COA1: variants seen among roughly 807,000 people sequenced by gnomAD.
COA1 encodes the protein cytochrome c oxidase assembly factor 1.
Under a neutral mutation model 16.0 loss-of-function variants are expected in COA1, and 13 were observed. That is an observed-to-expected ratio of 0.81 (90% CI 0.53 to 1.29). COA1 has a LOEUF of 1.29. Ranked by LOEUF, COA1 falls within the 50% of genes most tolerant of loss-of-function variation. The pLI, the probability that COA1 is intolerant of heterozygous loss-of-function variation, is 0.00. For synonymous variants in COA1, 65 were observed against 65.7 expected (o/e 0.99, Z 0.05); for missense variants, 179 against 177.0 (o/e 1.01, Z -0.06).
rs1210512835 is a variant in COA1 at position 43,710,396 on chromosome 7, T to TA, written c.-39+19032_-39+19033insT. Among the ~76,000 whole-genome samples the TA allele has an allele frequency of 1.5e-3, 144 of 97,422 alleles. 3 individuals carry two copies. Among genetic ancestry groups the TA allele is most frequent in the Non-Finnish European group, 2.6e-3 (117 of 44,830 alleles). The allele number at this position is 97,422 out of a possible 152,430, so 63.9% of individuals were successfully genotyped here. A position where few individuals can be genotyped will look rare whatever the true frequency, so the allele number is the denominator to read the frequency against. The stretch of plus-strand genomic sequence containing the variant: ...AAAAAATATATATATATATATATAT[T>TA]TTTAAGATATGTCCTAAACAGTTGA... On this transcript the variant is annotated intron_variant, in intron 1 of 5. Coordinates refer to ENST00000223336, the MANE Select transcript of COA1 (RefSeq NM_018224.4).
intron 6 of COA1, chr7:43,626,807 A>G (rs981506721): frequency 6.6e-6 from 1 of 152,170 alleles, no homozygotes; most frequent in African/African-American, 2.4e-5. Flanking sequence ...TGTGAGAAAG[A>G]TCTGTTTTCT....
At chr7:43,644,070 T>TCC (rs2087989097) in intron 4 of COA1, among the ~76,000 whole-genome samples, 1 of 152,026 alleles carries the variant, frequency 6.6e-6, no homozygotes, top group African/African-American at 2.4e-5. Context: ...CACCTGTGCC[T>TCC]CCACTGCCGT....
intron 1 of COA1, among the ~76,000 whole-genome samples, chr7:43,710,912 C>T (rs2131740423): frequency 6.6e-6 from 1 of 152,202 alleles, no homozygotes; most frequent in South Asian, 2.1e-4. Context: ...AAGCAGCTGC[C>T]AGGGTTTCAT....
intron 6 of COA1, among the ~76,000 whole-genome samples, chr7:43,617,497 A>G (rs1275135472): frequency 6.6e-6 from 1 of 152,018 alleles, no homozygotes; most frequent in Non-Finnish European, 1.5e-5. Context: ...CGGGGAGGAA[A>G]GGAATGGCCA....
chr7:43,691,438 AAAGAAAG>A (rs1305146678), intron 1 of COA1, among the ~76,000 whole-genome samples: 3 of 113,628 alleles, frequency 2.6e-5, no homozygotes, highest in African/African-American at 1.2e-4. Context: ...AGAAAGAAAG[AAAGAAAG>A]AAAGAAAGAA....
chr7:43,685,184 A>C (rs1158711080), intron 1 of COA1, among the ~76,000 whole-genome samples: 1 of 151,958 alleles, frequency 6.6e-6, no homozygotes, highest in Non-Finnish European at 1.5e-5. Flanking sequence ...GAAAAGAATA[A>C]ATAAAATGTG....
intron 5 of COA1, 120 bp from the exon 6 acceptor site, chr7:43,639,801 T>C: frequency 1.4e-6 from 1 of 692,174 alleles, no homozygotes; most frequent in South Asian, 1.8e-5. Context: ...TTTTAAACAT[T>C]ATTTTGTGCG....
At chr7:43,649,458 T>TG (rs1188264980) in intron 1 of COA1, 1 of 152,298 alleles carries the variant, frequency 6.6e-6, no homozygotes, top group Non-Finnish European at 1.5e-5. Flanking sequence ...TAAAAGTCCT[T>TG]GGCAGGCATG....
intron 1 of COA1, among the ~76,000 whole-genome samples, chr7:43,668,858 C>T (rs1242569534): frequency 6.6e-6 from 1 of 152,210 alleles, no homozygotes; most frequent in Admixed American, 6.5e-5. Context: ...CTATACCACA[C>T]TTGTGGGAAC....
intron 6 of COA1, chr7:43,624,371 G>C: frequency 2.6e-6 from 2 of 769,678 alleles, no homozygotes; most frequent in Non-Finnish European, 3.9e-6. Context: ...CAAATTCCAA[G>C]ACTAATAGTT....
chr7:43,683,942 T>C (rs1021483498), intron 1 of COA1, among the ~76,000 whole-genome samples: 1 of 152,150 alleles, frequency 6.6e-6, no homozygotes, highest in African/African-American at 2.4e-5. Flanking sequence ...GGAACAATGT[T>C]TGAGGTCACA....
intron 1 of COA1, among the ~76,000 whole-genome samples, chr7:43,712,599 T>C (rs2095285784): frequency 6.6e-6 from 1 of 152,198 alleles, no homozygotes; most frequent in African/African-American, 2.4e-5. Flanking sequence ...GTGGGTATAT[T>C]TATTAGACTG....
chr7:43,686,717 T>A (rs1385235305), intron 1 of COA1, among the ~76,000 whole-genome samples: 3 of 152,270 alleles, frequency 2.0e-5, no homozygotes, highest in African/African-American at 7.2e-5. Context: ...CATTGACTAT[T>A]CATGAATTAA....
intron 1 of COA1, among the ~76,000 whole-genome samples, chr7:43,691,336 A>G (rs2094311432): frequency 1.3e-4 from 5 of 37,428 alleles, no homozygotes; most frequent in South Asian, 1.3e-3. Flanking sequence ...AAAGAGAAAG[A>G]GAGAGAGGGA....
chr7:43,648,533 T>C (rs1456118917), intron 2 of COA1, 67 bp downstream of exon 2: 2 of 1,541,646 alleles, frequency 1.3e-6, no homozygotes, highest in Middle Eastern at 1.7e-4. Context: ...GACTTTCTTC[T>C]ATTGTCTAAC....
At chr7:43,712,064 C>G (rs11978914) in intron 1 of COA1, among the ~76,000 whole-genome samples, 3 of 152,038 alleles carry the variant, frequency 2.0e-5, no homozygotes, top group African/African-American at 7.2e-5. Flanking sequence ...TTTAATCATT[C>G]CCTTGCTTTT....
intron 6 of COA1, among the ~76,000 whole-genome samples, chr7:43,611,206 A>G (rs1044425916): frequency 1.3e-5 from 2 of 152,244 alleles, no homozygotes; most frequent in African/African-American, 4.8e-5. Context: ...TTAGGTGGAA[A>G]GGTAGTTTCT....
chr7:43,721,552 G>A (rs559166859), intron 1 of COA1, among the ~76,000 whole-genome samples: 2 of 152,222 alleles, frequency 1.3e-5, no homozygotes, highest in Middle Eastern at 3.4e-3. Context: ...CTAATAAAGA[G>A]GAAAAGCAAG....
At chr7:43,721,887 T>A in intron 1 of COA1, among the ~76,000 whole-genome samples, 1 of 146,712 alleles carries the variant, frequency 6.8e-6, no homozygotes, top group Non-Finnish European at 1.5e-5. Flanking sequence ...TTGCTACTTA[T>A]AGCTCAAAGG....
Sources: gnomAD v4.1 joint callset for allele counts (sites outside exome capture counted in the v4.1 genomes callset) on GRCh38, gnomAD v4.1.1 for gene constraint, MANE v1.5 for transcripts, NCBI Gene and HGNC (gene_info 2026-07-23, HGNC 2026-07-21) for gene names.